Variants in LDB2 observed in about 807,000 individuals in gnomAD.
LDB2 encodes LIM domain-binding protein 2.
Under a neutral mutation model 44.3 loss-of-function variants are expected in LDB2, and 12 were observed. The ratio of observed to expected loss-of-function variants is 0.27; its 90% CI spans 0.17 to 0.44. The LOEUF (loss-of-function observed/expected upper bound fraction) is 0.44. Ranked by LOEUF, LDB2 falls within the 20% of genes least tolerant of loss-of-function variation. The pLI is 1.00. For synonymous variants in LDB2, 164 were observed against 174.8 expected (o/e 0.94, Z 0.49); for missense variants, 344 against 473.5 (o/e 0.73, Z 2.54).
intron 1 of LDB2, among the ~76,000 whole-genome samples, chr4:16,832,880 G>A (rs1784290211): frequency 6.6e-6 from 1 of 152,160 alleles, no homozygotes; most frequent in Non-Finnish European, 1.5e-5. Flanking sequence ...AAGCAAAACT[G>A]CAAGACCATC....
At chr4:16,503,634 A>C (rs185619011) in intron 7 of LDB2, among the ~76,000 whole-genome samples, 125 of 152,274 alleles carry the variant, frequency 8.2e-4, no homozygotes, top group African/African-American at 2.9e-3. Context: ...CTATCACCAC[A>C]CAGGCAACCC....
chr4:16,732,783 T>G (rs1482734695), intron 2 of LDB2, among the ~76,000 whole-genome samples: 1 of 152,094 alleles, frequency 6.6e-6, no homozygotes, highest in African/African-American at 2.4e-5. Flanking sequence ...GGAAAGAAAA[T>G]TGTGGGAGGC....
At chr4:16,824,890 G>A (rs553635276) in intron 1 of LDB2, among the ~76,000 whole-genome samples, 1 of 152,240 alleles carries the variant, frequency 6.6e-6, no homozygotes, top group Non-Finnish European at 1.5e-5. Context: ...ATCTCAGCCT[G>A]CTTAGAGCCA....
chr4:16,614,111 C>T (rs1358750222), intron 2 of LDB2, among the ~76,000 whole-genome samples: 2 of 152,088 alleles, frequency 1.3e-5, no homozygotes, highest in African/African-American at 2.4e-5. Context: ...AGAAATAACA[C>T]CACACATATA....
At chr4:16,685,113 G>C (rs1210399340) in intron 2 of LDB2, among the ~76,000 whole-genome samples, 1 of 152,168 alleles carries the variant, frequency 6.6e-6, no homozygotes, top group Non-Finnish European at 1.5e-5. Flanking sequence ...TTGGAGCTAT[G>C]TCTTTCAGGT....
chr4:16,631,166 T>A (rs1405452197), intron 2 of LDB2, among the ~76,000 whole-genome samples: 5 of 152,156 alleles, frequency 3.3e-5, no homozygotes, highest in African/African-American at 1.2e-4. Context: ...TATTCTAAAA[T>A]TGACCACATA....
intron 3 of LDB2, among the ~76,000 whole-genome samples, chr4:16,594,709 A>G (rs2152437568): frequency 6.6e-6 from 1 of 152,352 alleles, no homozygotes; most frequent in South Asian, 2.1e-4. Context: ...TAATAAACAC[A>G]TCTTCAGTTT....
At chr4:16,563,815 G>A (rs114602372) in intron 5 of LDB2, among the ~76,000 whole-genome samples, 251 of 152,054 alleles carry the variant, frequency 1.7e-3, no homozygotes, top group Non-Finnish European at 2.7e-3. Context: ...ACACCATGGC[G>A]GACCTGATCA....
At chr4:16,568,362 C>A (rs1201292865) in intron 5 of LDB2, among the ~76,000 whole-genome samples, 1 of 152,120 alleles carries the variant, frequency 6.6e-6, no homozygotes, top group Non-Finnish European at 1.5e-5. Context: ...TGAAATATTA[C>A]TGAAAACTCA....
At chr4:16,678,064 A>G (rs1746791452) in intron 2 of LDB2, among the ~76,000 whole-genome samples, 1 of 152,238 alleles carries the variant, frequency 6.6e-6, no homozygotes, top group African/African-American at 2.4e-5. Context: ...TCTTAGGACC[A>G]GCAGTAGATC....
chr4:16,747,200 G>T (rs1057340279), intron 2 of LDB2, among the ~76,000 whole-genome samples: 6 of 152,086 alleles, frequency 3.9e-5, no homozygotes, highest in African/African-American at 1.4e-4. Flanking sequence ...GTTTAACAAG[G>T]TAATTATCAA....
chr4:16,875,239 C>T (rs558406852), intron 1 of LDB2, among the ~76,000 whole-genome samples: 10 of 152,240 alleles, frequency 6.6e-5, no homozygotes, highest in African/African-American at 2.4e-4. Context: ...GGGTTATCAT[C>T]AGGGTAGGGT....
At chr4:16,675,229 T>C (rs893179045) in intron 2 of LDB2, among the ~76,000 whole-genome samples, 2 of 152,228 alleles carry the variant, frequency 1.3e-5, no homozygotes, top group East Asian at 1.9e-4. Context: ...GGAATTGCCA[T>C]TGGCATCCAT....
At chr4:16,649,018 T>C (rs1281887312) in intron 2 of LDB2, among the ~76,000 whole-genome samples, 4 of 152,152 alleles carry the variant, frequency 2.6e-5, no homozygotes, top group Non-Finnish European at 4.4e-5. Flanking sequence ...AAATGTATGA[T>C]CCCTTAGAAA....
intron 5 of LDB2, among the ~76,000 whole-genome samples, chr4:16,563,660 A>G (rs901847106): frequency 1.9e-4 from 28 of 146,076 alleles, no homozygotes; most frequent in African/African-American, 6.9e-4. Context: ...GGGTTTCACC[A>G]TGTTAGCCGG....
intron 1 of LDB2, among the ~76,000 whole-genome samples, chr4:16,847,526 T>C (rs1399850043): frequency 6.6e-6 from 1 of 152,268 alleles, no homozygotes; most frequent in Admixed American, 6.5e-5. Context: ...CCTAAACCTC[T>C]TGCAATAACT....
chr4:16,880,836 G>A lies in LDB2; in HGVS notation c.132+17518C>T, dbSNP rs989271511. ...GGAGAATAGTGTGAACCCGGGAGGC[G>A]GAGCTTGCAGTGAGTCAAGATCACA... On this transcript the variant is annotated intron_variant, in intron 1 of 7. Coordinates refer to ENST00000304523, the MANE Select transcript of LDB2 (RefSeq NM_001290.5). Among the ~76,000 whole-genome samples the A allele has an allele frequency of 5.3e-5, 8 of 150,676 alleles. No individual in the cohort carries two copies. In the East Asian group the frequency reaches 5.9e-4, roughly 11 times the overall value.
At chr4:16,646,539 T>C (rs950813624) in intron 2 of LDB2, among the ~76,000 whole-genome samples, 5 of 152,210 alleles carry the variant, frequency 3.3e-5, no homozygotes, top group African/African-American at 1.2e-4. Context: ...CTCTTGCACA[T>C]CTGCCATAAG....
At chr4:16,636,232 C>T (rs1294077380) in intron 2 of LDB2, among the ~76,000 whole-genome samples, 1 of 152,216 alleles carries the variant, frequency 6.6e-6, no homozygotes, top group Admixed American at 6.5e-5. Context: ...GACCACACCA[C>T]AACGTCAGTG....
Sources: allele counts gnomAD v4.1 joint callset (sites outside exome capture counted in the v4.1 genomes callset), GRCh38; gene constraint gnomAD v4.1.1; transcripts MANE v1.5; gene names NCBI Gene and HGNC (gene_info 2026-07-23, HGNC 2026-07-21).